Variants in KIF3C observed in about 807,000 individuals in gnomAD.
KIF3C encodes the protein kinesin family member 3C.
A neutral mutation model predicts 67.7 loss-of-function variants in KIF3C; 12 were observed. That is an observed-to-expected ratio of 0.18 (90% confidence interval 0.11 to 0.29). The LOEUF is 0.29. KIF3C is among the 10% of genes least tolerant of loss of function. The probability of loss-of-function intolerance (pLI) is 1.00; values close to 1 mark genes in which losing one functional copy is unlikely to be tolerated. For synonymous variants in KIF3C, 393 were observed against 426.2 expected (o/e 0.92, Z 0.96); for missense variants, 789 against 1,059.6 (o/e 0.74, Z 3.55).
chr2:25,933,159 G>A (rs2090476345), intron 5 of KIF3C, among the ~76,000 whole-genome samples: 1 of 151,782 alleles, frequency 6.6e-6, no homozygotes, highest in Admixed American at 6.6e-5. Flanking sequence ...GCTGAGACAG[G>A]AGAATTGCTT....
intron 5 of KIF3C, among the ~76,000 whole-genome samples, chr2:25,949,901 G>T (rs1273777068): frequency 6.6e-6 from 1 of 151,508 alleles, no homozygotes; most frequent in Non-Finnish European, 1.5e-5. Flanking sequence ...AACCCAGGAA[G>T]CGGAGGTTGC....
intron 4 of KIF3C, 43 bp downstream of exon 4, chr2:25,954,224 G>T: frequency 7.0e-7 from 1 of 1,420,204 alleles, no homozygotes; most frequent in Non-Finnish European, 1.0e-6. Context: ...AGTAATGATG[G>T]CTGGCTGTGG....
At chr2:25,978,634 A>G (rs976996928) in intron 1 of KIF3C, among the ~76,000 whole-genome samples, 1 of 151,674 alleles carries the variant, frequency 6.6e-6, no homozygotes, top group African/African-American at 2.4e-5. Flanking sequence ...CAAGGATCTC[A>G]CTGAGGGAAA....
At chr2:25,929,174 C>T in intron 7 of KIF3C, 103 bp from the exon 8 acceptor site, 1 of 1,392,672 alleles carries the variant, frequency 7.2e-7, no homozygotes, top group South Asian at 1.2e-5. Flanking sequence ...AGGAATCCTT[C>T]TGACATCCCC....
intron 7 of KIF3C, 42 bp from the exon 8 acceptor site, chr2:25,929,113 A>G (rs758902591): frequency 1.3e-6 from 2 of 1,567,210 alleles, no homozygotes; most frequent in Admixed American, 3.4e-5. Flanking sequence ...GGTTAGGGAA[A>G]TACAGGAAAC....
At chr2:25,932,212 G>C (rs2090466657) in intron 5 of KIF3C, among the ~76,000 whole-genome samples, 1 of 151,622 alleles carries the variant, frequency 6.6e-6, no homozygotes, top group Non-Finnish European at 1.5e-5. Flanking sequence ...ATGTTGGCCA[G>C]GATGGTCTTG....
chr2:25,963,180 A>G (rs529091838), intron 1 of KIF3C, among the ~76,000 whole-genome samples: 561 of 41,586 alleles, frequency 0.013, 8 homozygotes, highest in South Asian at 0.037. Flanking sequence ...GTGTGTATAT[A>G]TATATATATA....
intron 4 of KIF3C, among the ~76,000 whole-genome samples, chr2:25,953,732 A>T (rs1474011579): frequency 6.8e-6 from 1 of 146,318 alleles, no homozygotes; most frequent in Non-Finnish European, 1.5e-5. Context: ...TTGCAGTGGC[A>T]TGATCTCGGC....
chr2:25,931,157 G>A (rs571879236), intron 5 of KIF3C, among the ~76,000 whole-genome samples: 2 of 152,018 alleles, frequency 1.3e-5, no homozygotes, highest in South Asian at 2.1e-4. Context: ...TCCACTAGAG[G>A]TCTTAAAACG....
At chr2:25,959,299 A>G (rs759957298) in intron 1 of KIF3C, among the ~76,000 whole-genome samples, 1 of 152,104 alleles carries the variant, frequency 6.6e-6, no homozygotes, top group African/African-American at 2.4e-5. Flanking sequence ...ATAATTATTC[A>G]TTTACATGCT....
At chr2:25,960,165 A>T (rs1663910503) in intron 1 of KIF3C, among the ~76,000 whole-genome samples, 1 of 152,154 alleles carries the variant, frequency 6.6e-6, no homozygotes, top group Admixed American at 6.6e-5. Flanking sequence ...ATTGTTTGGG[A>T]GGCTGAGGCA....
rs1452636908 is a variant in KIF3C at position 25,955,199 on chromosome 2, A to T, written c.1770+342T>A. Among the ~76,000 whole-genome samples the T allele has an allele frequency of 6.6e-6, 1 of 151,804 alleles. No homozygotes were observed. The highest frequency in any genetic ancestry group is 1.9e-4 in the East Asian group (1 of 5,162). Reference sequence around the variant, plus strand: ...CCAGTCTCCTCCTCAGCCTCTCTGTATTCCCCTGGCCCTGCTCCAGGCCCA... The same window carrying T: ...CCAGTCTCCTCCTCAGCCTCTCTGTTTTCCCCTGGCCCTGCTCCAGGCCCA... On this transcript the variant is annotated intron_variant, in intron 3 of 7. Transcript: ENST00000264712. The surrounding 1 kb of genome is among the most constrained non-coding windows in gnomAD (Gnocchi z 5.0).
chr2:25,959,142 C>A (rs1663882805), intron 1 of KIF3C, among the ~76,000 whole-genome samples: 2 of 152,154 alleles, frequency 1.3e-5, no homozygotes, highest in Admixed American at 1.3e-4. Flanking sequence ...CTGGGTTCCT[C>A]CTCCCACTCC....
Position 25,971,871 on chromosome 2 carries a change from CTTTTTTT to C in KIF3C, c.1545+8495_1545+8501del, listed in dbSNP as rs70950146. Among the ~76,000 whole-genome samples the C allele has an allele frequency of 2.6e-4, 14 of 53,804 alleles. 1 individual carries two copies. The highest frequency in any genetic ancestry group is 1.4e-3 in the South Asian group (2 of 1,400). The allele number at this position is 53,804 out of a possible 152,430, so 35.3% of individuals were successfully genotyped here. ...TACAGGCATGCAGTACCATGCCTAG[CTTTTTTT>C]TTTTTTTTTTTTTTTTTTTTTACTT... On this transcript the variant is annotated intron_variant, in intron 1 of 7. Transcript: ENST00000264712.
At chr2:25,941,568 AAAG>A (rs1370989964) in intron 5 of KIF3C, among the ~76,000 whole-genome samples, 266 of 151,404 alleles carry the variant, frequency 1.8e-3, no homozygotes, top group African/African-American at 5.9e-3. Context: ...AAAAAAAAAA[AAAG>A]AAGAAGAAGA....
intron 5 of KIF3C, among the ~76,000 whole-genome samples, chr2:25,940,493 C>T (rs978604604): frequency 2.0e-5 from 3 of 151,548 alleles, no homozygotes; most frequent in Middle Eastern, 6.9e-3. Flanking sequence ...ATCGCTTGAA[C>T]CCAGGAGTGG....
In KIF3C at chr2:25,951,790, C is replaced by G; in HGVS notation, c.2005G>C (p.Val669Leu). ...CAGACAGCTGGGTTAGAGACTCACA[C>G]GCCGGCTGGCACCAGTGGCTGGAAC... is the stretch of plus-strand genomic sequence containing the variant. ...WKFQPLVPAG[V>L]SSSQMKKRPT... is the part of the protein sequence containing the mutation. The change falls in exon 5 of 8, where the codon GTC (valine) becomes CTC (leucine). Residue 669 changes from valine (V) to leucine (L), a missense_variant and splice_region_variant. Val to Leu is a conservative substitution (Grantham distance 32). This residue lies in a region of KIF3C where 648 missense variants were observed against 807.8 expected (regional missense o/e 0.80). Coordinates refer to ENST00000264712, the MANE Select transcript of KIF3C (RefSeq NM_002254.8). 1 of 1,609,762 alleles carries G rather than the reference C, an allele frequency of 6.2e-7. No individual in the cohort carries two copies. Among genetic ancestry groups the G allele is most frequent in the Non-Finnish European group, 8.5e-7 (1 of 1,176,548 alleles).
intron 1 of KIF3C, 52 bp from the exon 2 acceptor site, chr2:25,956,496 T>A: frequency 1.4e-6 from 2 of 1,402,962 alleles, no homozygotes; most frequent in Non-Finnish European, 2.0e-6. Context: ...TCCACAACAT[T>A]GCTAGCTGGA....
At chr2:25,929,655 G>T (rs1313507521) in intron 6 of KIF3C, among the ~76,000 whole-genome samples, 178 bp from the exon 7 acceptor site, 6 of 150,808 alleles carry the variant, frequency 4.0e-5, no homozygotes, top group African/African-American at 7.3e-5. Flanking sequence ...TCACTCTGTT[G>T]CCCAGGCTGG....
Sources: allele counts gnomAD v4.1 joint callset (sites outside exome capture counted in the v4.1 genomes callset), GRCh38; gene constraint gnomAD v4.1.1; regional missense constraint gnomAD v4.1.1; non-coding constraint Gnocchi (gnomAD v3.1); transcripts MANE v1.5; gene names NCBI Gene and HGNC (gene_info 2026-07-23, HGNC 2026-07-21).